Variants in PEPD observed in about 807,000 individuals in gnomAD.
PEPD encodes the protein peptidase D.
Under a neutral mutation model 60.7 loss-of-function variants are expected in PEPD, and 53 were observed. The ratio of observed to expected loss-of-function variants is 0.87; its 90% CI spans 0.70 to 1.10. The LOEUF is 1.10. Ranked by LOEUF, PEPD falls within the 50% of genes least tolerant of loss-of-function variation. The probability of loss-of-function intolerance (pLI) is 0.00; values close to 1 mark genes in which losing one functional copy is unlikely to be tolerated. For synonymous variants in PEPD, 267 were observed against 284.1 expected (o/e 0.94, Z 0.60); for missense variants, 711 against 711.9 (o/e 1.00, Z 0.01).
intron 4 of PEPD, among the ~76,000 whole-genome samples, chr19:33,500,601 G>C (rs1970688872): frequency 6.6e-6 from 1 of 152,208 alleles, no homozygotes; most frequent in Non-Finnish European, 1.5e-5. Flanking sequence ...CCCCGGCCCA[G>C]CCTTGTGGTG....
chr19:33,422,675 T>C (rs1196028834), intron 9 of PEPD, among the ~76,000 whole-genome samples: 1 of 151,408 alleles, frequency 6.6e-6, no homozygotes, highest in Non-Finnish European at 1.5e-5. Context: ...TACCCATCCA[T>C]CCACCCATCC....
At chr19:33,431,224 G>A (rs1342343856) in intron 9 of PEPD, among the ~76,000 whole-genome samples, 1 of 150,952 alleles carries the variant, frequency 6.6e-6, no homozygotes, top group African/African-American at 2.4e-5. Context: ...GGGAAGGAGG[G>A]CAATTCAAGC....
Position 33,500,947 on chromosome 19 carries a change from G to A in PEPD, c.384C>T (p.Tyr128=), listed in dbSNP as rs768352518. 1.2e-5 allele frequency: 19 copies of A among 1,593,976 alleles called. No individual in the cohort carries two copies. The highest frequency in any genetic ancestry group is 9.9e-5 in the South Asian group (9 of 90,650). The change falls in exon 4 of 15, where the codon TAC becomes TAT. Residue 128 remains tyrosine (Y), a synonymous_variant. Coordinates refer to ENST00000244137, the MANE Select transcript of PEPD (RefSeq NM_000285.4). ...GGAGCCGGCTACCCACCTCATCTACGTACTGGACGTCGTCCACGGCATACT... is the reference window on the plus strand; with the variant it reads ...GGAGCCGGCTACCCACCTCATCTACATACTGGACGTCGTCCACGGCATACT... ...KEKYAVDDVQ[Y]VDEIASVLTS...
At chr19:33,395,038 CCT>C (rs891241150) in intron 12 of PEPD, 1 of 152,268 alleles carries the variant, frequency 6.6e-6, no homozygotes, top group Non-Finnish European at 1.5e-5. Flanking sequence ...TGGTCTCCAG[CCT>C]CTCCCTCACC....
At chr19:33,457,714 G>T (rs574522803) in intron 9 of PEPD, among the ~76,000 whole-genome samples, 23 of 152,338 alleles carry the variant, frequency 1.5e-4, no homozygotes, top group Non-Finnish European at 2.8e-4. Flanking sequence ...GTTTCACCGC[G>T]TTAGCCAGGA....
chr19:33,444,571 C>T (rs1006874174), intron 9 of PEPD, among the ~76,000 whole-genome samples: 3 of 148,630 alleles, frequency 2.0e-5, no homozygotes, highest in Admixed American at 1.4e-4. Flanking sequence ...CACAGGTGAG[C>T]GCTCTCAGCT....
chr19:33,456,043 T>C (rs974495862), intron 9 of PEPD, among the ~76,000 whole-genome samples: 2 of 152,224 alleles, frequency 1.3e-5, no homozygotes, highest in African/African-American at 4.8e-5. Context: ...TCCAGCTTTC[T>C]GGCTGGACAC....
At chr19:33,510,483 G>A (rs1045209607) in intron 3 of PEPD, among the ~76,000 whole-genome samples, 5 of 152,158 alleles carry the variant, frequency 3.3e-5, no homozygotes, top group Non-Finnish European at 7.3e-5. Context: ...GTTTGACCAC[G>A]CATGTTATTC....
rs112367310 is a variant in PEPD, at chr19:33,443,982, A to G, written c.671+19013T>C. On this transcript the variant is annotated intron_variant, in intron 9 of 14. Coordinates refer to ENST00000244137, the MANE Select transcript of PEPD (RefSeq NM_000285.4). ...TACAAGTGCACGCGCGTGCGCGCGCACACACACACACAGTGTGTCCTCAGG... is the reference window on the plus strand; with the variant it reads ...TACAAGTGCACGCGCGTGCGCGCGCGCACACACACACAGTGTGTCCTCAGG... 9.1e-3 allele frequency among the ~76,000 whole-genome samples: 1,376 copies of G among 150,554 alleles called. 20 individuals carry two copies. The highest frequency in any genetic ancestry group is 0.032 in the African/African-American group (1,284 of 40,190).
chr19:33,444,905 G>A (rs73588286), intron 9 of PEPD, among the ~76,000 whole-genome samples: 1,821 of 152,270 alleles, frequency 0.012, 37 homozygotes, highest in African/African-American at 0.041. Flanking sequence ...TTTTATCACA[G>A]TGTGTAATCC....
rs184240525 is a variant in PEPD, at chr19:33,458,130, T to A, written c.671+4865A>T. Among the ~76,000 whole-genome samples the A allele has an allele frequency of 2.6e-3, 397 of 151,624 alleles. 14 individuals carry two copies. The South Asian group carries it at 0.048, about 18-fold the overall frequency. ...TGTTGTGTGTGGTGTGTAGCATATG[T>A]GGTATGTATGGTGTGGTGTGTGCAT... On this transcript the variant is annotated intron_variant, in intron 9 of 14. Coordinates refer to ENST00000244137, the MANE Select transcript of PEPD (RefSeq NM_000285.4).
chr19:33,458,238 T>G (rs78589647), intron 9 of PEPD, among the ~76,000 whole-genome samples: 28,466 of 150,886 alleles, frequency 0.19, 3,002 homozygotes, highest in African/African-American at 0.26. Flanking sequence ...TGTGGCTGTA[T>G]GTGGCATGCG....
intron 9 of PEPD, among the ~76,000 whole-genome samples, chr19:33,458,758 T>C (rs1333154228): frequency 2.7e-3 from 1 of 364 alleles, no homozygotes; most frequent in Admixed American, 0.025. Flanking sequence ...GTGTACGTAG[T>C]GTGTATGGTA....
chr19:33,402,379 G>T (rs933209860), intron 11 of PEPD, among the ~76,000 whole-genome samples: 2 of 152,140 alleles, frequency 1.3e-5, no homozygotes, highest in African/African-American at 2.4e-5. Flanking sequence ...AGGGACCCCG[G>T]ATGGGATGCA....
chr19:33,512,009 A>G (rs560622835), intron 2 of PEPD, among the ~76,000 whole-genome samples: 1 of 152,220 alleles, frequency 6.6e-6, no homozygotes, highest in African/African-American at 2.4e-5. Flanking sequence ...TCCTCTCCAC[A>G]CTCAGCTCCC....
Position 33,521,739 on chromosome 19 carries a change from C to T in PEPD, c.17+5G>A, listed in dbSNP as rs1336244153. 3 of 1,579,570 alleles carry T rather than the reference C, an allele frequency of 1.9e-6. No individual in the cohort carries two copies. Among genetic ancestry groups the T allele is most frequent in the African/African-American group, 1.3e-5 (1 of 74,316 alleles). On this transcript the variant is annotated splice_donor_5th_base_variant and intron_variant, in intron 1 of 14. Transcript: ENST00000244137. Reference sequence around the variant, plus strand: ...GGGAAAGAGCGAGGGAGGCGCAGCACTCACCCGGTGGCCGCCGCCATGTTC... The same window carrying T: ...GGGAAAGAGCGAGGGAGGCGCAGCATTCACCCGGTGGCCGCCGCCATGTTC...
chr19:33,442,650 A>C (rs1277076436), intron 9 of PEPD, among the ~76,000 whole-genome samples: 1 of 152,038 alleles, frequency 6.6e-6, no homozygotes, highest in Non-Finnish European at 1.5e-5. Context: ...CAGAGGTTGC[A>C]GTGAGCCGAG....
At chr19:33,429,322 C>T (rs1197137197) in intron 9 of PEPD, among the ~76,000 whole-genome samples, 1 of 151,878 alleles carries the variant, frequency 6.6e-6, no homozygotes, top group African/African-American at 2.4e-5. Flanking sequence ...GACTAATACA[C>T]CTGGGAATTT....
At chr19:33,446,906 G>C (rs1034752689) in intron 9 of PEPD, among the ~76,000 whole-genome samples, 1 of 152,196 alleles carries the variant, frequency 6.6e-6, no homozygotes, top group African/African-American at 2.4e-5. Context: ...ATCTTGCTGG[G>C]ATGGACAGTA....
Sources: allele counts gnomAD v4.1 joint callset (sites outside exome capture counted in the v4.1 genomes callset), GRCh38; gene constraint gnomAD v4.1.1; transcripts MANE v1.5; gene names NCBI Gene and HGNC (gene_info 2026-07-23, HGNC 2026-07-21).